The following FBXO5 variants were observed in gnomAD, a reference collection of about 807,000 sequenced individuals.
FBXO5 encodes F-box protein 5.
FBXO5 carries 8 observed loss-of-function variants against 43.3 expected under a neutral mutation model. That is an observed-to-expected ratio of 0.18 (90% CI 0.11 to 0.33). The LOEUF (loss-of-function observed/expected upper bound fraction) is 0.33. Ranked by LOEUF, FBXO5 falls within the 10% of genes least tolerant of loss-of-function variation. The pLI, the probability that FBXO5 is intolerant of heterozygous loss-of-function variation, is 1.00. For missense variants in FBXO5, 491 were observed against 535.7 expected (o/e 0.92, Z 0.82); for synonymous variants, 204 against 193.7 (o/e 1.05, Z -0.44).
At chr6:152,978,859 C>T (rs1778217382) in intron 1 of FBXO5, among the ~76,000 whole-genome samples, 1 of 151,950 alleles carries the variant, frequency 6.6e-6, no homozygotes. Context: ...GGCATGGTGG[C>T]ATGTGCCTTT....
chr6:152,981,197 T>C (rs1306499740), intron 1 of FBXO5, among the ~76,000 whole-genome samples: 1 of 152,218 alleles, frequency 6.6e-6, no homozygotes, highest in Non-Finnish European at 1.5e-5. Context: ...CAGACACTAA[T>C]AAGACTCATA....
intron 2 of FBXO5, among the ~76,000 whole-genome samples, chr6:152,974,590 T>G (rs1207761743): frequency 6.6e-6 from 1 of 152,196 alleles, no homozygotes; most frequent in Admixed American, 6.5e-5. Context: ...TAAACAACAT[T>G]GTAAGGTTAT....
Position 152,974,637 on chromosome 6 carries a change from A to ATT in FBXO5, c.818+269_818+270insAA, listed in dbSNP as rs1778136027. ...TGAGCATCTCTAATCCAAAAATCTG[A>ATT]AAACTTTTGAATGCTGACATGATGC... On this transcript the variant is annotated intron_variant, in intron 2 of 4. Coordinates refer to ENST00000229758, the MANE Select transcript of FBXO5 (RefSeq NM_012177.5). Among the ~76,000 whole-genome samples the ATT allele has an allele frequency of 4.6e-5, 7 of 152,342 alleles. No individual in the cohort carries two copies. In the South Asian group the frequency reaches 1.4e-3, roughly 32 times the overall value.
upstream of FBXO5, chr6:152,983,254 G>A: frequency 3.2e-6 from 1 of 316,686 alleles, no homozygotes; most frequent in Non-Finnish European, 5.8e-6. Context: ...CGTCCGGAAA[G>A]ATGCTACGGC....
In FBXO5 at chr6:152,974,924, A is replaced by C. The variant is rs370209486; in HGVS notation, c.801T>G (p.Ser267Arg). The change falls in exon 2 of 5, where the codon AGT becomes AGG. Residue 267 changes from serine to arginine, a missense_variant. Transcript: ENST00000229758. ...HVLATILAQL[S>R]DMDLINVSKV... ...GTACTTACTTGATTAAGTCCATGTC[A>C]CTGAGTTGTGCTAAAATAGTTGCTA... The C allele has an allele frequency of 1.9e-6, 3 of 1,601,280 alleles. No homozygotes were observed. In the African/African-American group the frequency reaches 4.0e-5, roughly 22 times the overall value.
intron 1 of FBXO5, among the ~76,000 whole-genome samples, chr6:152,977,306 T>C (rs1206856783): frequency 6.6e-6 from 1 of 150,606 alleles, no homozygotes; most frequent in Non-Finnish European, 1.5e-5. Flanking sequence ...TAAGTAAATG[T>C]ATACAGCATC....
chr6:152,972,944 T>A, intron 3 of FBXO5, 102 bp downstream of exon 3: 1 of 819,828 alleles, frequency 1.2e-6, no homozygotes, highest in Admixed American at 2.5e-5. Flanking sequence ...AAATACTTTA[T>A]GACTGTAAAG....
At chr6:152,973,639 A>T (rs927512975) in intron 2 of FBXO5, 3 of 153,006 alleles carry the variant, frequency 2.0e-5, no homozygotes, top group African/African-American at 7.2e-5. Flanking sequence ...AAGCAGGCAG[A>T]TCACGAGGTC....
Position 152,972,267 on chromosome 6 carries a change from A to G in FBXO5, c.1092+5T>C, listed in dbSNP as rs936520685. 6.3e-7 allele frequency: 1 copy of G among 1,598,468 alleles called. No homozygotes were observed. On this transcript the variant is annotated splice_donor_5th_base_variant and intron_variant, in intron 4 of 4. Coordinates refer to ENST00000229758, the MANE Select transcript of FBXO5 (RefSeq NM_012177.5). ...TTTAAGATTTATGATTAGACAAAAAATTACCTCAGAGAATTCATTGTGTCG... is the reference window on the plus strand; with the variant it reads ...TTTAAGATTTATGATTAGACAAAAAGTTACCTCAGAGAATTCATTGTGTCG...
chr6:152,975,556 G>T lies in FBXO5; in HGVS notation c.169C>A (p.His57Asn). ...GGTTTTACCAGTTTAAGTCCGGAAT[G>T]AACATGGTTACAATTAAAATCACAC... ...MKCDFNCNHV[H>N]SGLKLVKPDD... is the part of the protein sequence containing the mutation. The change falls in exon 2 of 5, where the codon CAT becomes AAT. Residue 57 changes from histidine (H) to asparagine (N), a missense_variant. His to Asn is a moderately conservative substitution (Grantham distance 68). Coordinates refer to ENST00000229758, the MANE Select transcript of FBXO5 (RefSeq NM_012177.5). The T allele has an allele frequency of 6.2e-7, 1 of 1,612,304 alleles. No homozygotes were observed. Among genetic ancestry groups the T allele is most frequent in the South Asian group, 1.1e-5 (1 of 90,606 alleles).
upstream of FBXO5, chr6:152,983,108 A>C: frequency 4.8e-5 from 21 of 437,762 alleles, no homozygotes; most frequent in East Asian, 7.4e-5. Flanking sequence ...GCGCGGTCCA[A>C]TGAGACGCGT....
intron 2 of FBXO5, among the ~76,000 whole-genome samples, chr6:152,974,270 T>C (rs1231203812): frequency 2.6e-5 from 4 of 151,878 alleles, no homozygotes; most frequent in African/African-American, 4.8e-5. Flanking sequence ...CTGTCAAATC[T>C]AGGAGAGCCC....
At chr6:152,972,578 G>T in intron 3 of FBXO5, 124 bp from the exon 4 acceptor site, 1 of 679,042 alleles carries the variant, frequency 1.5e-6, no homozygotes. Flanking sequence ...ATCCCTACAT[G>T]CAATTTACCT....
rs41302049 is a variant in FBXO5, at chr6:152,975,618, C to T, written c.107G>A (p.Cys36Tyr). 18 of 1,576,572 alleles carry T rather than the reference C, an allele frequency of 1.1e-5. No individual in the cohort carries two copies. The highest frequency in any genetic ancestry group is 1.5e-5 in the Non-Finnish European group (18 of 1,166,408). Residue 36 changes from cysteine to tyrosine, a missense_variant, in exon 2 of 5, where the codon TGT (cysteine) becomes TAT (tyrosine). Cys to Tyr is a radical substitution (Grantham distance 194, BLOSUM62 -2). Transcript: ENST00000229758. ...AAGRPRPSDS[C>Y]KEESSTLSVK... The stretch of plus-strand genomic sequence containing the variant: ...AGAAAGGGTAGAACTTTCTTCTTTA[C>T]AACCTATAAAAAGAACATAACATTT...
At chr6:152,982,777 G>T (rs1778283238) in intron 1 of FBXO5, 80 bp downstream of exon 1, 3 of 1,014,140 alleles carry the variant, frequency 3.0e-6, no homozygotes, top group Non-Finnish European at 2.7e-6. Flanking sequence ...GGGACGTCGG[G>T]TCAGGGTCTC....
chr6:152,982,797 C>T (rs1778283458), intron 1 of FBXO5, 60 bp downstream of exon 1: 2 of 1,218,528 alleles, frequency 1.6e-6, no homozygotes, highest in Non-Finnish European at 1.1e-6. Flanking sequence ...CAGGCTGCGA[C>T]CCTCCCCGTG....
At chr6:152,980,631 T>C (rs556860871) in intron 1 of FBXO5, among the ~76,000 whole-genome samples, 1 of 152,070 alleles carries the variant, frequency 6.6e-6, no homozygotes, top group South Asian at 2.1e-4. Flanking sequence ...ATGACAGAAG[T>C]AGAGTGTGGG....
chr6:152,972,514 C>T lies in FBXO5; in HGVS notation c.910-60G>A, dbSNP rs1778103171. 2.5e-6 allele frequency: 3 copies of T among 1,178,272 alleles called. No homozygotes were observed. The South Asian group carries it at 4.7e-5, about 18-fold the overall frequency. The allele number at this position is 1,178,272 out of a possible 1,614,324, so 73.0% of individuals were successfully genotyped here. ...ATTATTTCCTGTATCCTCAATGAGA[C>T]ATTTTTATGTTTGTACATATAAGAA... On this transcript the variant is annotated intron_variant, in intron 3 of 4. Transcript: ENST00000229758.
At position 152,975,592 on chromosome 6, in the gene FBXO5, C is replaced by T; in HGVS notation, c.133G>A (p.Val45Ile). The T allele has an allele frequency of 1.2e-6, 2 of 1,605,160 alleles. No homozygotes were observed. The highest frequency in any genetic ancestry group is 8.5e-7 in the Non-Finnish European group (1 of 1,177,876). The change falls in exon 2 of 5, where the codon GTC becomes ATC. Residue 45 changes from valine (V) to isoleucine (I), a missense_variant. Val to Ile is a conservative substitution (Grantham distance 29, BLOSUM62 3). Coordinates refer to ENST00000229758, the MANE Select transcript of FBXO5 (RefSeq NM_012177.5). The stretch of plus-strand genomic sequence containing the variant: ...CAATTAAAATCACACTTCATTTTGA[C>T]AGAAAGGGTAGAACTTTCTTCTTTA... ...SCKEESSTLS[V>I]KMKCDFNCNH...
Sources: gnomAD v4.1 joint callset for allele counts (sites outside exome capture counted in the v4.1 genomes callset) on GRCh38, gnomAD v4.1.1 for gene constraint, MANE v1.5 for transcripts, NCBI Gene and HGNC (gene_info 2026-07-23, HGNC 2026-07-21) for gene names.